The following DUSP16 variants were observed in gnomAD, a reference collection of about 807,000 sequenced individuals.
The protein encoded by DUSP16 is dual specificity phosphatase 16, also known as dual specificity protein phosphatase 16.
Under a neutral mutation model 58.3 loss-of-function variants are expected in DUSP16, and 21 were observed. The observed-to-expected ratio is 0.36, with a 90% CI of 0.26 to 0.52. DUSP16 has a LOEUF of 0.52. Among genes scored for constraint, DUSP16 ranks in the 20% least tolerant of loss-of-function variants. The pLI is 0.94. For synonymous variants in DUSP16, 320 were observed against 323.8 expected (o/e 0.99, Z 0.12); for missense variants, 726 against 819.0 (o/e 0.89, Z 1.39).
At chr12:12,511,190 A>T (rs948328908) in intron 3 of DUSP16, among the ~76,000 whole-genome samples, 2 of 152,198 alleles carry the variant, frequency 1.3e-5, no homozygotes, top group Admixed American at 1.3e-4. Flanking sequence ...ATCAGTTAAG[A>T]GGCTCCTGGA....
intron 1 of DUSP16, chr12:12,560,946 T>TCACACACACA (rs142326409): frequency 0.06 from 8,947 of 148,194 alleles, 371 homozygotes; most frequent in East Asian, 0.18. Flanking sequence ...ATGGTAAATT[T>TCACACACACA]CACACACACA....
intron 3 of DUSP16, among the ~76,000 whole-genome samples, chr12:12,507,797 C>T (rs573947893): frequency 6.6e-6 from 1 of 152,300 alleles, no homozygotes; most frequent in Non-Finnish European, 1.5e-5. Flanking sequence ...TTAGTAAACA[C>T]GGGGTTTCTC....
intron 1 of DUSP16, among the ~76,000 whole-genome samples, chr12:12,529,354 C>T (rs1351031274): frequency 6.6e-6 from 1 of 152,252 alleles, no homozygotes; most frequent in African/African-American, 2.4e-5. Context: ...AAACAATTCT[C>T]ATACATTGGC....
At chr12:12,548,630 C>CAA (rs898316799) in intron 1 of DUSP16, among the ~76,000 whole-genome samples, 3 of 63,330 alleles carry the variant, frequency 4.7e-5, no homozygotes, top group Admixed American at 1.7e-4. Flanking sequence ...GACTCTGTCT[C>CAA]AAAAAAAAAA....
chr12:12,552,667 T>C (rs546540671), intron 1 of DUSP16, among the ~76,000 whole-genome samples: 2 of 152,276 alleles, frequency 1.3e-5, no homozygotes, highest in Admixed American at 1.3e-4. Context: ...TATAAAGAAA[T>C]ATACTAAAGA....
At chr12:12,553,654 T>C (rs1035044100) in intron 1 of DUSP16, among the ~76,000 whole-genome samples, 1 of 152,080 alleles carries the variant, frequency 6.6e-6, no homozygotes, top group African/African-American at 2.4e-5. Context: ...GTGATCCTCC[T>C]ACCTGAGCCC....
chr12:12,529,837 C>A (rs1566030635), intron 1 of DUSP16, among the ~76,000 whole-genome samples: 1 of 152,152 alleles, frequency 6.6e-6, no homozygotes, highest in Non-Finnish European at 1.5e-5. Context: ...CCTCCAGGTT[C>A]ATCCATGTTG....
At chr12:12,493,568 A>T (rs1943790280) in intron 4 of DUSP16, among the ~76,000 whole-genome samples, 1 of 152,106 alleles carries the variant, frequency 6.6e-6, no homozygotes, top group Admixed American at 6.6e-5. Flanking sequence ...GAAATCTTGT[A>T]TTGTCTGGAT....
intron 1 of DUSP16, among the ~76,000 whole-genome samples, chr12:12,551,035 C>T (rs1324312516): frequency 1.3e-5 from 2 of 152,040 alleles, no homozygotes; most frequent in Admixed American, 6.6e-5. Flanking sequence ...ATTTCTGCTG[C>T]ATACCTAAGT....
rs1374896073 is a variant in DUSP16 at position 12,477,663 on chromosome 12, G to A, written c.1168C>T (p.Leu390=). Residue 390 remains leucine (L), a synonymous_variant, in exon 7 of 7, where the codon CTG becomes TTG. Coordinates refer to ENST00000298573, the MANE Select transcript of DUSP16 (RefSeq NM_030640.3). The surrounding 1 kb of genome is among the most constrained non-coding windows in gnomAD (Gnocchi z 4.1). ...LSGLHLSADR[L]EDSNKLKRSF... ...CGCTTGAGCTTATTGCTGTCTTCCAGCCTGTCTGCGGACAGGTGCAGCCCA... is the reference window on the plus strand; with the variant it reads ...CGCTTGAGCTTATTGCTGTCTTCCAACCTGTCTGCGGACAGGTGCAGCCCA... 2.5e-6 allele frequency: 4 copies of A among 1,614,016 alleles called. No homozygotes were observed. In the African/African-American group the frequency reaches 5.3e-5, roughly 22 times the overall value.
Position 12,500,704 on chromosome 12 carries a change from T to C in DUSP16, c.368-22A>G, listed in dbSNP as rs769917279. 3 of 1,509,202 alleles carry C rather than the reference T, an allele frequency of 2.0e-6. No individual in the cohort carries two copies. The South Asian group carries it at 4.0e-5, about 20-fold the overall frequency. 93.5% of individuals were successfully genotyped at this position (1,509,202 alleles called of 1,614,324 possible). ...CCACCTAAGAATAAACATTATAAAA[T>C]TATAAAAAATTATGCCACGCACAAA... On this transcript the variant is annotated intron_variant, in intron 3 of 6. Transcript: ENST00000298573.
intron 1 of DUSP16, among the ~76,000 whole-genome samples, chr12:12,556,595 A>C (rs190490328): frequency 3.3e-5 from 5 of 152,146 alleles, no homozygotes; most frequent in Admixed American, 1.3e-4. Context: ...AAAAAAAATT[A>C]AAAACTGCAA....
At position 12,480,335 on chromosome 12, in the gene DUSP16, C is replaced by T; in HGVS notation, c.703G>A (p.Ala235Thr). Residue 235 changes from alanine to threonine, a missense_variant, in exon 6 of 7, where the codon GCC becomes ACC. By Grantham distance (58) the Ala-to-Thr change is moderately conservative. Coordinates refer to ENST00000298573, the MANE Select transcript of DUSP16 (RefSeq NM_030640.3). ...TGCACTAGAACACATCCATTGGAGG[C>T]TTTTGCTTTCTCTGTATAAGTCAAA... Reference protein sequence around the residue: ...KSVDFIEKAKASNGCVLVHCL... With the variant: ...KSVDFIEKAKTSNGCVLVHCL... The T allele has an allele frequency of 6.2e-7, 1 of 1,613,658 alleles. No homozygotes were observed.
At chr12:12,532,386 G>A (rs903877115) in intron 1 of DUSP16, among the ~76,000 whole-genome samples, 2 of 152,140 alleles carry the variant, frequency 1.3e-5, no homozygotes, top group Non-Finnish European at 2.9e-5. Context: ...GATATATTGA[G>A]AATAAAGTCA....
intron 3 of DUSP16, among the ~76,000 whole-genome samples, chr12:12,504,691 TA>T (rs57833371): frequency 0.11 from 13,652 of 119,064 alleles, 832 homozygotes; most frequent in East Asian, 0.2. Flanking sequence ...CAATCTCTGT[TA>T]AAAAAAAAAA....
intron 1 of DUSP16, among the ~76,000 whole-genome samples, chr12:12,540,939 CTTTTCTTTTCTTTT>C (rs1423570538): frequency 2.5e-5 from 2 of 79,474 alleles, no homozygotes; most frequent in African/African-American, 9.6e-5. Flanking sequence ...TTTTTCTTTT[CTTTTCTTTTCTTTT>C]TTTTTTTTTT....
chr12:12,483,586 T>C (rs948851970), intron 5 of DUSP16, among the ~76,000 whole-genome samples: 2 of 152,098 alleles, frequency 1.3e-5, no homozygotes, highest in African/African-American at 2.4e-5. Context: ...CCAAAATACA[T>C]GGTCCTAATC....
At chr12:12,480,459 C>T (rs1943543341) in intron 5 of DUSP16, 113 bp from the exon 6 acceptor site, 2 of 1,256,814 alleles carry the variant, frequency 1.6e-6, no homozygotes, top group Non-Finnish European at 2.2e-6. Context: ...ACGCAAATCT[C>T]ATCTGTGTAT....
rs1055305267 is a variant in DUSP16, at chr12:12,475,654, A to C, written c.*1179T>G. On this transcript the variant is annotated 3_prime_UTR_variant, in exon 7 of 7. Coordinates refer to ENST00000298573, the MANE Select transcript of DUSP16 (RefSeq NM_030640.3). ...ATCATAGAAACATCAGCCCCATCGC[A>C]TGCCGAGGGGATAAAAGCCACTAAG... The C allele has an allele frequency of 6.6e-6, 1 of 152,180 alleles. No individual in the cohort carries two copies. Among genetic ancestry groups the C allele is most frequent in the Non-Finnish European group, 1.5e-5 (1 of 68,030 alleles). 9.4% of individuals were successfully genotyped at this position (152,180 alleles called of 1,614,324 possible). A position where few individuals can be genotyped will look rare whatever the true frequency, so the allele number is the denominator to read the frequency against.
Sources: gnomAD v4.1 joint callset for allele counts (sites outside exome capture counted in the v4.1 genomes callset) on GRCh38, gnomAD v4.1.1 for gene constraint, Gnocchi (gnomAD v3.1) non-coding constraint, MANE v1.5 for transcripts, NCBI Gene and HGNC (gene_info 2026-07-23, HGNC 2026-07-21) for gene names.